CPLX2: variants seen among roughly 807,000 people sequenced by gnomAD.
CPLX2 encodes the protein complexin-2.
CPLX2 carries 5 observed loss-of-function variants against 16.3 expected under a neutral mutation model. The ratio of observed to expected loss-of-function variants is 0.31; its 90% confidence interval spans 0.16 to 0.64. CPLX2 has a LOEUF of 0.64. Among genes scored for constraint, CPLX2 ranks in the 30% least tolerant of loss-of-function variants. The pLI is 0.79. For synonymous variants in CPLX2, 89 were observed against 73.2 expected, an observed-to-expected ratio of 1.22 and a Z score of -1.10; for missense variants, 144 against 181.4, an observed-to-expected ratio of 0.79 and a Z score of 1.18.
intron 2 of CPLX2, among the ~76,000 whole-genome samples, chr5:175,827,282 TG>T (rs1458189421): frequency 6.6e-6 from 1 of 152,192 alleles, no homozygotes. Flanking sequence ...TGAAGGTGAC[TG>T]GGGGAGGAGC....
intron 2 of CPLX2, among the ~76,000 whole-genome samples, chr5:175,829,271 G>A (rs921310153): frequency 6.6e-6 from 1 of 152,238 alleles, no homozygotes; most frequent in Non-Finnish European, 1.5e-5. Context: ...GCGGCTCAGC[G>A]AGGCCAGCAA....
At chr5:175,842,125 G>A (rs1321193056) in intron 2 of CPLX2, among the ~76,000 whole-genome samples, 4 of 152,204 alleles carry the variant, frequency 2.6e-5, no homozygotes, top group Non-Finnish European at 5.9e-5. Flanking sequence ...CACACTGCTG[G>A]TATGGTGGGA....
intron 2 of CPLX2, among the ~76,000 whole-genome samples, chr5:175,823,711 T>C (rs1229295110): frequency 1.3e-5 from 2 of 152,176 alleles, no homozygotes; most frequent in African/African-American, 2.4e-5. Context: ...TAAGTGACAC[T>C]TGAACCCAGG....
chr5:175,865,349 T>G (rs1184401710), intron 2 of CPLX2, among the ~76,000 whole-genome samples: 1 of 152,190 alleles, frequency 6.6e-6, no homozygotes, highest in East Asian at 1.9e-4. Flanking sequence ...TCCAGCTCAC[T>G]TACTCCATAA....
intron 2 of CPLX2, among the ~76,000 whole-genome samples, chr5:175,866,147 G>A (rs59398830): frequency 0.013 from 1,965 of 152,296 alleles, 38 homozygotes; most frequent in African/African-American, 0.045. Flanking sequence ...GGACCCTCTC[G>A]AGAGCATGGA....
chr5:175,797,197 A>T (rs1581061926), intron 1 of CPLX2, among the ~76,000 whole-genome samples: 2 of 152,276 alleles, frequency 1.3e-5, no homozygotes, highest in East Asian at 3.9e-4. Flanking sequence ...AACCGCGAAC[A>T]AAGCCGCGGG....
chr5:175,860,840 GGAA>G (rs1486051059), intron 2 of CPLX2, among the ~76,000 whole-genome samples: 2 of 152,118 alleles, frequency 1.3e-5, no homozygotes, highest in Non-Finnish European at 2.9e-5. Context: ...GACTGAGGGT[GGAA>G]GAAGACAGGA....
chr5:175,833,704 G>A (rs879670644), intron 2 of CPLX2, among the ~76,000 whole-genome samples: 1 of 152,164 alleles, frequency 6.6e-6, no homozygotes, highest in Non-Finnish European at 1.5e-5. Flanking sequence ...ATCTGGGGTG[G>A]GGATGGGAGG....
rs551840129 is a variant in CPLX2 at position 175,851,749 on chromosome 5, G to A, written c.-88-26903G>A. 2.0e-5 allele frequency among the ~76,000 whole-genome samples: 3 copies of A among 152,366 alleles called. 1 individual carries two copies. The highest frequency in any genetic ancestry group is 1.9e-4 in the East Asian group (1 of 5,182). ...TTTGCCCTCCAGGGTTTAGGAGGTG[G>A]TTATTGCTGGAATCAACGCCGGGGC... is the stretch of plus-strand genomic sequence containing the variant. On this transcript the variant is annotated intron_variant, in intron 2 of 4. Coordinates refer to the CPLX2 transcript ENST00000359546.
In CPLX2 at chr5:175,845,047, C is replaced by A. The variant is rs1413694366; in HGVS notation, c.-88-33605C>A. Among the ~76,000 whole-genome samples, 1 of 152,134 alleles carries A rather than the reference C, an allele frequency of 6.6e-6. No individual in the cohort carries two copies. The highest frequency in any genetic ancestry group is 1.9e-4 in the East Asian group (1 of 5,190). On this transcript the variant is annotated intron_variant, in intron 2 of 4. Coordinates refer to the CPLX2 transcript ENST00000359546. This position sits in a 1 kb window ranked among gnomAD's most constrained non-coding sequence, Gnocchi z 4.0. ...AGGACCAGTTCTTAGAAGGGGAAGC[C>A]CCAGGCAGGCCCAGATGGTGACCCA...
chr5:175,826,831 C>A lies in CPLX2; in HGVS notation c.-89+17763C>A, dbSNP rs1164207506. ...ACTTGTATTCTTGAGCTGGTCAACA[C>A]ACTCAGTTGCAAGTGAGCAAAATCC... is the stretch of plus-strand genomic sequence containing the variant. On this transcript the variant is annotated intron_variant, in intron 2 of 4. Coordinates refer to the CPLX2 transcript ENST00000359546. Among the ~76,000 whole-genome samples, 5 of 152,198 alleles carry A rather than the reference C, an allele frequency of 3.3e-5. No homozygotes were observed. In the East Asian group the frequency reaches 9.6e-4, roughly 29 times the overall value.
At chr5:175,836,570 T>C (rs1758845252) in intron 2 of CPLX2, among the ~76,000 whole-genome samples, 1 of 152,052 alleles carries the variant, frequency 6.6e-6, no homozygotes, top group African/African-American at 2.4e-5. Context: ...GATGTTGCTA[T>C]TCTCACCAGG....
intron 2 of CPLX2, among the ~76,000 whole-genome samples, chr5:175,817,508 G>A (rs1758430007): frequency 6.6e-6 from 1 of 152,220 alleles, no homozygotes; most frequent in African/African-American, 2.4e-5. Context: ...ACTGCAGCCA[G>A]CCAGTTCCTA....
At chr5:175,828,531 A>G (rs542782232) in intron 2 of CPLX2, among the ~76,000 whole-genome samples, 12 of 152,332 alleles carry the variant, frequency 7.9e-5, no homozygotes, top group Admixed American at 2.6e-4. Context: ...CATTCCTGGA[A>G]GCGTGTAAAC....
Position 175,845,429 on chromosome 5 carries a change from C to G in CPLX2, c.-88-33223C>G, listed in dbSNP as rs1196245496. ...TATTGCTCCAAAGCACCACCAGGCTCTTTCCTGCCACAGGCCCTTTGCACC... is the reference window on the plus strand; with the variant it reads ...TATTGCTCCAAAGCACCACCAGGCTGTTTCCTGCCACAGGCCCTTTGCACC... On this transcript the variant is annotated intron_variant, in intron 2 of 4. Coordinates refer to the CPLX2 transcript ENST00000359546. This position sits in a 1 kb window ranked among gnomAD's most constrained non-coding sequence, Gnocchi z 4.0. Among the ~76,000 whole-genome samples, 3 of 152,228 alleles carry G rather than the reference C, an allele frequency of 2.0e-5. No homozygotes were observed. The highest frequency in any genetic ancestry group is 4.4e-5 in the Non-Finnish European group (3 of 68,042).
At chr5:175,866,751 A>G (rs1380273421), upstream of CPLX2, among the ~76,000 whole-genome samples, 1 of 152,148 alleles carries the variant, frequency 6.6e-6, no homozygotes, top group Non-Finnish European at 1.5e-5. Flanking sequence ...CAGAGTTCAT[A>G]TGTTGAGCCT....
At chr5:175,838,368 C>T (rs537035740) in intron 2 of CPLX2, among the ~76,000 whole-genome samples, 47 of 149,664 alleles carry the variant, frequency 3.1e-4, no homozygotes, top group Admixed American at 6.0e-4. Flanking sequence ...CCTGGGTTCA[C>T]GCCATTCTCC....
chr5:175,797,840 G>C (rs1195519459), intron 1 of CPLX2, among the ~76,000 whole-genome samples: 1 of 152,228 alleles, frequency 6.6e-6, no homozygotes, highest in African/African-American at 2.4e-5. Context: ...AAAAGGTTGA[G>C]GGCGTCTGTG....
At position 175,849,341 on chromosome 5, in the gene CPLX2, C is replaced by T. The variant is rs918226024; in HGVS notation, c.-88-29311C>T. ...CAAAGGGACACCTGATGGTGAGTTT[C>T]GCAACACTGGACGTCCGTGTATACT... On this transcript the variant is annotated intron_variant, in intron 2 of 4. Transcript: ENST00000359546. This position sits in a 1 kb window ranked among gnomAD's most constrained non-coding sequence, Gnocchi z 4.4. 3.9e-5 allele frequency among the ~76,000 whole-genome samples: 6 copies of T among 152,146 alleles called. No individual in the cohort carries two copies. Among genetic ancestry groups the T allele is most frequent in the African/African-American group, 7.2e-5 (3 of 41,420 alleles).
Sources: allele counts gnomAD v4.1 joint callset (sites outside exome capture counted in the v4.1 genomes callset), GRCh38; gene constraint gnomAD v4.1.1; non-coding constraint Gnocchi (gnomAD v3.1); transcripts MANE v1.5; gene names NCBI Gene and HGNC (gene_info 2026-07-23, HGNC 2026-07-21).